Variants in ITGBL1 observed in about 807,000 individuals in gnomAD.
ITGBL1 encodes the protein integrin beta-like protein 1.
A neutral mutation model predicts 68.5 loss-of-function variants in ITGBL1; 51 were observed. The ratio of observed to expected loss-of-function variants is 0.74; its 90% CI spans 0.59 to 0.94. The LOEUF (loss-of-function observed/expected upper bound fraction) is 0.94. Among genes scored for constraint, ITGBL1 ranks in the 40% least tolerant of loss-of-function variants. The pLI is 0.00. For synonymous variants in ITGBL1, 209 were observed against 227.3 expected (o/e 0.92, Z 0.72); for missense variants, 649 against 647.4 (o/e 1.00, Z -0.03).
chr13:101,562,660 A>G (rs1194969016), intron 2 of ITGBL1, among the ~76,000 whole-genome samples: 1 of 151,970 alleles, frequency 6.6e-6, no homozygotes, highest in East Asian at 1.9e-4. Flanking sequence ...AAGCATTTCA[A>G]AATACATAAA....
intron 2 of ITGBL1, among the ~76,000 whole-genome samples, chr13:101,536,339 CA>C (rs2049576116): frequency 1.3e-5 from 2 of 151,884 alleles, no homozygotes; most frequent in South Asian, 4.1e-4. Flanking sequence ...ATATAAAAAA[CA>C]ACAACTATTT....
chr13:101,455,530 C>T (rs973442109), intron 2 of ITGBL1, among the ~76,000 whole-genome samples: 3 of 151,824 alleles, frequency 2.0e-5, no homozygotes, highest in Non-Finnish European at 2.9e-5. Flanking sequence ...AGCTGGGCGT[C>T]GTGGCATGTG....
chr13:101,659,751 G>C (rs765841778), intron 7 of ITGBL1, among the ~76,000 whole-genome samples: 1 of 152,102 alleles, frequency 6.6e-6, no homozygotes, highest in African/African-American at 2.4e-5. Flanking sequence ...GTGAGCCACC[G>C]CACAGGTCCT....
At chr13:101,490,255 A>G (rs897838359) in intron 2 of ITGBL1, among the ~76,000 whole-genome samples, 4 of 152,222 alleles carry the variant, frequency 2.6e-5, no homozygotes, top group African/African-American at 7.2e-5. Flanking sequence ...GAAGGCTGCC[A>G]TCTGCAAGCC....
chr13:101,497,072 C>T (rs529812731), intron 2 of ITGBL1, among the ~76,000 whole-genome samples: 23 of 152,308 alleles, frequency 1.5e-4, no homozygotes, highest in African/African-American at 4.8e-4. Context: ...GCTGACCCAC[C>T]TGGGAGTTCT....
At chr13:101,624,830 C>A (rs552459091) in intron 7 of ITGBL1, among the ~76,000 whole-genome samples, 1 of 152,260 alleles carries the variant, frequency 6.6e-6, no homozygotes, top group South Asian at 2.1e-4. Context: ...TCATTCATGA[C>A]GTGGCTAACA....
intron 6 of ITGBL1, among the ~76,000 whole-genome samples, chr13:101,590,550 C>T (rs1416258980): frequency 6.6e-6 from 1 of 152,168 alleles, no homozygotes. Context: ...AGCCATTAAA[C>T]TTTCAAGAGT....
chr13:101,571,357 T>C (rs777833326), intron 3 of ITGBL1, among the ~76,000 whole-genome samples: 4 of 152,162 alleles, frequency 2.6e-5, no homozygotes, highest in Non-Finnish European at 5.9e-5. Context: ...TTGGGGTATG[T>C]AGTCGAATGA....
intron 7 of ITGBL1, among the ~76,000 whole-genome samples, chr13:101,653,015 G>A (rs565269885): frequency 2.0e-5 from 3 of 152,108 alleles, no homozygotes; most frequent in East Asian, 1.9e-4. Flanking sequence ...AGAATTGCTC[G>A]AACCCGGGAG....
At chr13:101,542,118 T>A (rs1214160007) in intron 2 of ITGBL1, among the ~76,000 whole-genome samples, 1 of 152,224 alleles carries the variant, frequency 6.6e-6, no homozygotes, top group African/African-American at 2.4e-5. Context: ...TGTTTGCTCT[T>A]GCTTTTCTAG....
intron 2 of ITGBL1, among the ~76,000 whole-genome samples, chr13:101,561,356 T>G (rs1005429914): frequency 2.0e-5 from 3 of 152,090 alleles, no homozygotes; most frequent in African/African-American, 7.2e-5. Context: ...ATCCAGACAT[T>G]TAGTACCTGT....
chr13:101,532,205 A>G (rs944157854), intron 2 of ITGBL1, among the ~76,000 whole-genome samples: 4 of 152,204 alleles, frequency 2.6e-5, no homozygotes, highest in African/African-American at 9.6e-5. Flanking sequence ...ATAAATTTTT[A>G]AAACAAAATA....
At chr13:101,676,860 G>T (rs1179290663) in intron 7 of ITGBL1, among the ~76,000 whole-genome samples, 2 of 152,124 alleles carry the variant, frequency 1.3e-5, no homozygotes, top group Non-Finnish European at 2.9e-5. Flanking sequence ...AGCATTACTG[G>T]CTGGGCACAC....
At chr13:101,531,615 G>T (rs2049478376) in intron 2 of ITGBL1, among the ~76,000 whole-genome samples, 1 of 115,624 alleles carries the variant, frequency 8.6e-6, no homozygotes, top group South Asian at 2.7e-4. Context: ...TTTTTGGGGG[G>T]AGGGGATTTA....
chr13:101,717,199 ACT>A (rs1203903099), downstream of ITGBL1: 2 of 152,244 alleles, frequency 1.3e-5, no homozygotes, highest in African/African-American at 4.8e-5. Flanking sequence ...ATATGCATCC[ACT>A]GAGTTACTTA....
chr13:101,650,075 G>GT (rs5806239), intron 7 of ITGBL1, among the ~76,000 whole-genome samples: 1 of 151,948 alleles, frequency 6.6e-6, no homozygotes, highest in Admixed American at 6.6e-5. Context: ...GATAATTAGC[G>GT]TTTTTTTCTG....
chr13:101,626,021 G>T (rs1196316225), intron 7 of ITGBL1, among the ~76,000 whole-genome samples: 2 of 152,158 alleles, frequency 1.3e-5, no homozygotes, highest in Non-Finnish European at 2.9e-5. Flanking sequence ...TGATCACATG[G>T]CTAATAAATG....
intron 6 of ITGBL1, among the ~76,000 whole-genome samples, chr13:101,595,825 A>G (rs2029928915): frequency 6.6e-6 from 1 of 152,196 alleles, no homozygotes; most frequent in South Asian, 2.1e-4. Flanking sequence ...TATATGATCT[A>G]GGAATTTCTG....
At position 101,545,281 on chromosome 13, in the gene ITGBL1, G is replaced by T. The variant is rs944919218; in HGVS notation, c.317-22418G>T. 3.9e-5 allele frequency among the ~76,000 whole-genome samples: 6 copies of T among 152,146 alleles called. 1 individual carries two copies. The highest frequency in any genetic ancestry group is 3.9e-4 in the Admixed American group (6 of 15,278). Reference sequence around the variant, plus strand: ...ATAGAAAAAAGTAAAAATACTCTAAGAATTAACAGTGTTAGAATGAATGTT... The same window carrying T: ...ATAGAAAAAAGTAAAAATACTCTAATAATTAACAGTGTTAGAATGAATGTT... On this transcript the variant is annotated intron_variant, in intron 2 of 10. Coordinates refer to ENST00000376180, the MANE Select transcript of ITGBL1 (RefSeq NM_004791.3).
Sources: gnomAD v4.1 joint callset for allele counts (sites outside exome capture counted in the v4.1 genomes callset) on GRCh38, gnomAD v4.1.1 for gene constraint, MANE v1.5 for transcripts, NCBI Gene and HGNC (gene_info 2026-07-23, HGNC 2026-07-21) for gene names.